Variants in ACBD6 observed in about 807,000 individuals in gnomAD.
ACBD6 encodes acyl-CoA-binding domain-containing protein 6.
A neutral mutation model predicts 37.2 loss-of-function variants in ACBD6; 28 were observed. The observed-to-expected ratio is 0.75, with a 90% confidence interval of 0.56 to 1.03. ACBD6 has a LOEUF of 1.03. Among genes scored for constraint, ACBD6 ranks in the 50% least tolerant of loss-of-function variants. The pLI is 0.00. For missense variants in ACBD6, 340 were observed against 337.4 expected, an observed-to-expected ratio of 1.01 and a Z score of -0.06; for synonymous variants, 113 against 126.8, an observed-to-expected ratio of 0.89 and a Z score of 0.73.
intron 6 of ACBD6, among the ~76,000 whole-genome samples, chr1:180,381,464 G>C (rs908695966): frequency 1.3e-5 from 2 of 152,002 alleles, no homozygotes; most frequent in African/African-American, 4.8e-5. Flanking sequence ...CCATACATTA[G>C]GTCACAAAAC....
At chr1:180,342,206 T>C (rs1035793529) in intron 6 of ACBD6, among the ~76,000 whole-genome samples, 1 of 152,166 alleles carries the variant, frequency 6.6e-6, no homozygotes, top group African/African-American at 2.4e-5. Flanking sequence ...AAGTGGGGAA[T>C]AGAAAGACAG....
chr1:180,408,866 TG>T (rs1647735945), intron 5 of ACBD6, among the ~76,000 whole-genome samples: 1 of 152,046 alleles, frequency 6.6e-6, no homozygotes, highest in Non-Finnish European at 1.5e-5. Context: ...TTAAAAGAAC[TG>T]GAAGTCTGGC....
At chr1:180,299,413 C>A (rs1650043476) in intron 7 of ACBD6, among the ~76,000 whole-genome samples, 1 of 152,102 alleles carries the variant, frequency 6.6e-6, no homozygotes, top group African/African-American at 2.4e-5. Context: ...GGGATTAGAA[C>A]AGTTGCTGAA....
intron 7 of ACBD6, among the ~76,000 whole-genome samples, chr1:180,299,546 T>A (rs1650047568): frequency 4.0e-5 from 6 of 151,854 alleles, no homozygotes; most frequent in Admixed American, 3.9e-4. Flanking sequence ...TCCTCAGGGT[T>A]TTGATAATGA....
chr1:180,430,775 GA>G, intron 3 of ACBD6, among the ~76,000 whole-genome samples: 1 of 149,554 alleles, frequency 6.7e-6, no homozygotes, highest in South Asian at 2.1e-4. Context: ...TCAAATAAAA[GA>G]AAAAAGAAGC....
chr1:180,316,557 T>G (rs1456350192), intron 6 of ACBD6, among the ~76,000 whole-genome samples: 1 of 152,212 alleles, frequency 6.6e-6, no homozygotes, highest in Admixed American at 6.5e-5. Context: ...ATAACTTTCA[T>G]GTTTAATCAC....
chr1:180,459,643 G>C (rs1650054078), intron 3 of ACBD6, among the ~76,000 whole-genome samples: 1 of 152,110 alleles, frequency 6.6e-6, no homozygotes, highest in African/African-American at 2.4e-5. Flanking sequence ...GGTAGTCTCT[G>C]GCAATCTATG....
intron 5 of ACBD6, among the ~76,000 whole-genome samples, chr1:180,407,015 G>C (rs1275983381): frequency 6.6e-6 from 1 of 152,170 alleles, no homozygotes; most frequent in African/African-American, 2.4e-5. Context: ...ATTTGCTAGA[G>C]CTTTAAATGT....
chr1:180,495,491 C>T lies in ACBD6; in HGVS notation c.257G>A (p.Ser86Asn). Residue 86 changes from serine to asparagine, a missense_variant, in exon 2 of 8, where the codon AGC (serine) becomes AAC (asparagine). Ser to Asn is a conservative substitution (Grantham distance 46). Transcript: ENST00000367595. The part of the protein sequence containing the change: ...KVGNCNTPKP[S>N]FFDFEGKQKW... The stretch of plus-strand genomic sequence containing the variant: ...TTGCTTTCCTTCAAAATCAAAGAAG[C>T]TTGGTTTAGGAGTATTACAATTTCC... The T allele has an allele frequency of 6.2e-7, 1 of 1,605,752 alleles. No individual in the cohort carries two copies. The highest frequency in any genetic ancestry group is 8.5e-7 in the Non-Finnish European group (1 of 1,177,152).
At chr1:180,290,220 G>C (rs888663962) in intron 7 of ACBD6, among the ~76,000 whole-genome samples, 24 of 152,132 alleles carry the variant, frequency 1.6e-4, no homozygotes, top group Non-Finnish European at 2.8e-4. Flanking sequence ...ACAGGGTCTG[G>C]CTCTGTCTCC....
intron 2 of ACBD6, among the ~76,000 whole-genome samples, chr1:180,495,209 G>A (rs1651684534): frequency 6.6e-6 from 1 of 152,154 alleles, no homozygotes; most frequent in African/African-American, 2.4e-5. Flanking sequence ...TAGCTCTCAT[G>A]GTATTAAAAT....
intron 3 of ACBD6, among the ~76,000 whole-genome samples, chr1:180,485,077 A>C (rs1371105123): frequency 6.6e-6 from 1 of 151,178 alleles, no homozygotes; most frequent in Non-Finnish European, 1.5e-5. Context: ...TCTGTCTCAA[A>C]AAAAAAAAAA....
intron 3 of ACBD6, among the ~76,000 whole-genome samples, chr1:180,462,656 ATAT>A (rs1650194774): frequency 6.6e-6 from 1 of 152,196 alleles, no homozygotes; most frequent in African/African-American, 2.4e-5. Flanking sequence ...CCCACTGACA[ATAT>A]TAGATAGATC....
chr1:180,386,523 C>G (rs1314618646), intron 6 of ACBD6, among the ~76,000 whole-genome samples: 1 of 152,150 alleles, frequency 6.6e-6, no homozygotes, highest in Admixed American at 6.6e-5. Flanking sequence ...TAGTTCCACA[C>G]TCTTTCTCCT....
At chr1:180,288,025 C>T (rs1392364574), downstream of ACBD6, among the ~76,000 whole-genome samples, 1 of 152,130 alleles carries the variant, frequency 6.6e-6, no homozygotes, top group Non-Finnish European at 1.5e-5. Context: ...GTTACATTTG[C>T]TTCTGTATGT....
intron 6 of ACBD6, among the ~76,000 whole-genome samples, chr1:180,374,417 G>A (rs1309089237): frequency 3.3e-5 from 5 of 152,166 alleles, no homozygotes. Context: ...ATCTAGGAAG[G>A]AAGTAAAACT....
intron 6 of ACBD6, among the ~76,000 whole-genome samples, chr1:180,318,175 C>CAA (rs1553291889): frequency 0.032 from 3,324 of 102,762 alleles, 208 homozygotes; most frequent in African/African-American, 0.061. Context: ...CCCCCCCCCC[C>CAA]AAAAAAAAAA....
rs1558224110 is a variant in ACBD6 at position 180,271,410 on chromosome 1, G to A, written c.*1815C>T. ...TCAGAGGCTGGAGCTAAGCGGCCCC[G>A]GACCACCATCACAGCCAAGCAGCTG... On this transcript the variant is annotated 3_prime_UTR_variant, in exon 14 of 14. Transcript: ENST00000642319. 6.2e-7 allele frequency: 1 copy of A among 1,614,142 alleles called. No homozygotes were observed. Among genetic ancestry groups the A allele is most frequent in the Non-Finnish European group, 8.5e-7 (1 of 1,180,028 alleles).
chr1:180,399,738 C>T (rs1468870029), intron 5 of ACBD6, among the ~76,000 whole-genome samples: 1 of 152,128 alleles, frequency 6.6e-6, no homozygotes, highest in Non-Finnish European at 1.5e-5. Context: ...TAATGAGACT[C>T]TGAATAAATA....
Sources: allele counts gnomAD v4.1 joint callset (sites outside exome capture counted in the v4.1 genomes callset), GRCh38; gene constraint gnomAD v4.1.1; transcripts MANE v1.5; gene names NCBI Gene and HGNC (gene_info 2026-07-23, HGNC 2026-07-21).